Variants in RTKN2 observed in about 807,000 individuals in gnomAD.
RTKN2 encodes rhotekin-2.
In RTKN2, 69 loss-of-function variants were observed where a neutral mutation model predicts 71.5. That is an observed-to-expected ratio of 0.96 (90% CI 0.79 to 1.18). The LOEUF (loss-of-function observed/expected upper bound fraction) is 1.18. Ranked by LOEUF, RTKN2 falls within the 50% of genes most tolerant of loss-of-function variation. The pLI is 0.00. For missense variants in RTKN2, 724 were observed against 719.7 expected (o/e 1.01, Z -0.07); for synonymous variants, 236 against 236.5 (o/e 1.00, Z 0.02).
rs1229780016 is a variant in RTKN2 at position 62,268,592 on chromosome 10, T to C, written c.19A>G (p.Arg7Gly). The C allele has an allele frequency of 6.4e-7, 1 of 1,564,756 alleles. No individual in the cohort carries two copies. The highest frequency in any genetic ancestry group is 8.7e-7 in the Non-Finnish European group (1 of 1,154,598). Residue 7 changes from arginine (R) to glycine (G), a missense_variant, in exon 1 of 12, where the codon AGG becomes GGG. By Grantham distance (125) the Arg-to-Gly change is moderately radical. Transcript: ENST00000373789. ...CCCGCCAGGCGGAGCGCAGGACCCCTCAGGCTCGGCCCCTCCATCTCCAAC... is the reference window on the plus strand; with the variant it reads ...CCCGCCAGGCGGAGCGCAGGACCCCCCAGGCTCGGCCCCTCCATCTCCAAC... MEGPSL[R>G]GPALRLAGLP...
chr10:62,195,489 A>G lies in RTKN2; in HGVS notation c.*2419T>C. ...GTAAAGGAAGGGAGGAAGGAGAGACAGAAGGAAAGTGGGAAAAGGGGATGA... is the reference window on the plus strand; with the variant it reads ...GTAAAGGAAGGGAGGAAGGAGAGACGGAAGGAAAGTGGGAAAAGGGGATGA... On this transcript the variant is annotated 3_prime_UTR_variant, in exon 12 of 12. Coordinates refer to ENST00000373789, the MANE Select transcript of RTKN2 (RefSeq NM_145307.4). 1.1e-6 allele frequency: 1 copy of G among 927,476 alleles called. No homozygotes were observed. The highest frequency in any genetic ancestry group is 1.3e-6 in the Non-Finnish European group (1 of 777,338). The allele number at this position is 927,476 out of a possible 1,614,324, so 57.5% of individuals were successfully genotyped here.
At chr10:62,217,848 C>A (rs192605558) in intron 8 of RTKN2, among the ~76,000 whole-genome samples, 1 of 152,052 alleles carries the variant, frequency 6.6e-6, no homozygotes. Context: ...CTAAACCGTG[C>A]CAAACGCTGT....
chr10:62,198,722 A>T (rs1358295080), intron 11 of RTKN2, among the ~76,000 whole-genome samples: 1 of 152,076 alleles, frequency 6.6e-6, no homozygotes, highest in Non-Finnish European at 1.5e-5. Context: ...ATGTATAAAT[A>T]TATTCCTATA....
At chr10:62,221,175 A>G (rs946504529) in intron 7 of RTKN2, among the ~76,000 whole-genome samples, 1 of 151,982 alleles carries the variant, frequency 6.6e-6, no homozygotes, top group African/African-American at 2.4e-5. Context: ...AATAGCACAT[A>G]GGTTAGGGAA....
rs1366151334 is a variant in RTKN2 at position 62,185,384 on chromosome 10, G to A, written c.862-997C>T. 2.6e-5 allele frequency among the ~76,000 whole-genome samples: 4 copies of A among 152,128 alleles called. 1 individual carries two copies. The highest frequency in any genetic ancestry group is 5.9e-5 in the Non-Finnish European group (4 of 68,022). ...TGTAATCCCAGTGCTTTGGGTGGCC[G>A]AAGTGGGCAGATCATGAGGTCAGGA... On this transcript the variant is annotated intron_variant, in intron 8 of 8. Transcript: ENST00000315289.
chr10:62,194,161 T>C lies in RTKN2; in HGVS notation c.*3747A>G. The stretch of plus-strand genomic sequence containing the variant: ...AAATAAAAATTATAAACAAAGCCAA[T>C]TACACAAGCATGTCAGAAAATCAAC... On this transcript the variant is annotated 3_prime_UTR_variant, in exon 12 of 12. Transcript: ENST00000373789. 2.0e-6 allele frequency: 2 copies of C among 978,642 alleles called. No homozygotes were observed. Among genetic ancestry groups the C allele is most frequent in the Non-Finnish European group, 2.4e-6 (2 of 823,814 alleles). The allele number at this position is 978,642 out of a possible 1,614,324, so 60.6% of individuals were successfully genotyped here.
chr10:62,239,478 A>C, intron 5 of RTKN2, 170 bp downstream of exon 5: 1 of 424,376 alleles, frequency 2.4e-6, no homozygotes, highest in Non-Finnish European at 4.2e-6. Flanking sequence ...CTGCAGATAG[A>C]GAAATGGACT....
chr10:62,237,143 T>C (rs969392005), intron 5 of RTKN2, among the ~76,000 whole-genome samples: 3 of 151,960 alleles, frequency 2.0e-5, no homozygotes, highest in African/African-American at 7.2e-5. Flanking sequence ...AAAGTAACTA[T>C]GTGAGATGAT....
intron 7 of RTKN2, 23 bp downstream of exon 7, chr10:62,223,215 A>G: frequency 1.5e-6 from 2 of 1,320,726 alleles, no homozygotes; most frequent in Non-Finnish European, 2.2e-6. Flanking sequence ...ATATGTAATA[A>G]GTAAAATATA....
intron 1 of RTKN2, among the ~76,000 whole-genome samples, chr10:62,264,012 T>C (rs1194681355): frequency 6.6e-6 from 1 of 152,102 alleles, no homozygotes; most frequent in African/African-American, 2.4e-5. Context: ...ATCACAAACA[T>C]GTAATGTTTC....
intron 8 of RTKN2, among the ~76,000 whole-genome samples, chr10:62,187,617 A>T (rs1841157471): frequency 1.3e-5 from 2 of 152,214 alleles, no homozygotes; most frequent in African/African-American, 4.8e-5. Context: ...ACCTGGATAT[A>T]TGTGAACCAC....
intron 4 of RTKN2, among the ~76,000 whole-genome samples, chr10:62,240,598 TATC>T (rs1285681882): frequency 1.3e-5 from 2 of 152,186 alleles, no homozygotes; most frequent in Non-Finnish European, 2.9e-5. Flanking sequence ...GATAAAGTAT[TATC>T]ATATCTTTCC....
chr10:62,238,109 T>C (rs935535287), intron 5 of RTKN2: 1 of 151,906 alleles, frequency 6.6e-6, no homozygotes, highest in Non-Finnish European at 1.5e-5. Context: ...TTTAAAGATA[T>C]AAATGGCCAA....
chr10:62,214,707 G>A (rs901662623), intron 9 of RTKN2, among the ~76,000 whole-genome samples: 1 of 151,938 alleles, frequency 6.6e-6, no homozygotes, highest in East Asian at 1.9e-4. Context: ...CTAAGCCATC[G>A]CCTATAAGTC....
At chr10:62,199,883 T>G (rs369695654) in intron 10 of RTKN2, 22 bp from the exon 11 acceptor site, 1 of 1,413,302 alleles carries the variant, frequency 7.1e-7, no homozygotes, top group African/African-American at 1.4e-5. Context: ...AGAAAAAAGG[T>G]AGACTAGTTT....
At chr10:62,246,401 A>G (rs1372326843) in intron 2 of RTKN2, among the ~76,000 whole-genome samples, 1 of 152,080 alleles carries the variant, frequency 6.6e-6, no homozygotes, top group African/African-American at 2.4e-5. Context: ...TTAGATCACA[A>G]TTTCATATAT....
At position 62,204,860 on chromosome 10, in the gene RTKN2, G is replaced by T; in HGVS notation, c.1183C>A (p.Leu395Ile). Residue 395 changes from leucine to isoleucine, a missense_variant, in exon 10 of 12, where the codon CTT (leucine) becomes ATT (isoleucine). By Grantham distance (5) the Leu-to-Ile change is conservative (BLOSUM62 2). Coordinates refer to ENST00000373789, the MANE Select transcript of RTKN2 (RefSeq NM_145307.4). ...AAAAATCCAAATATCTATTTACTAA[G>T]ATCAAAGAAATGCTGCCAGAAGGCT... ...MEAFWQHFFDLSQWKHCCEEL... is the reference protein window; with the variant it reads ...MEAFWQHFFDISQWKHCCEEL... 1 of 1,565,812 alleles carries T rather than the reference G, an allele frequency of 6.4e-7. No individual in the cohort carries two copies. The highest frequency in any genetic ancestry group is 8.6e-7 in the Non-Finnish European group (1 of 1,162,854).
At chr10:62,216,695 C>A (rs1334773012) in intron 9 of RTKN2, among the ~76,000 whole-genome samples, 1 of 152,030 alleles carries the variant, frequency 6.6e-6, no homozygotes, top group African/African-American at 2.4e-5. Context: ...GAAGACTGGA[C>A]AATTGCCTAT....
intron 9 of RTKN2, among the ~76,000 whole-genome samples, chr10:62,213,781 T>C (rs1272876332): frequency 1.3e-5 from 2 of 152,132 alleles, no homozygotes; most frequent in African/African-American, 2.4e-5. Context: ...GTCTAGGTGG[T>C]ATGTATATGG....
Sources: gnomAD v4.1 joint callset for allele counts (sites outside exome capture counted in the v4.1 genomes callset) on GRCh38, gnomAD v4.1.1 for gene constraint, MANE v1.5 for transcripts, NCBI Gene and HGNC (gene_info 2026-07-23, HGNC 2026-07-21) for gene names.